SLC36A4: variants seen among roughly 807,000 people sequenced by gnomAD.
The protein encoded by SLC36A4 is solute carrier family 36 member 4.
Under a neutral mutation model 50.5 loss-of-function variants are expected in SLC36A4, and 49 were observed. That is an observed-to-expected ratio of 0.97 (90% CI 0.77 to 1.23). The LOEUF (loss-of-function observed/expected upper bound fraction) is 1.23. SLC36A4 is among the 50% of genes most tolerant of loss of function. The pLI is 0.00. For synonymous variants in SLC36A4, 207 were observed against 206.5 expected (o/e 1.00, Z -0.02); for missense variants, 611 against 608.4 (o/e 1.00, Z -0.05).
At chr11:93,194,865 C>T (rs1306375408) in intron 1 of SLC36A4, among the ~76,000 whole-genome samples, 3 of 152,180 alleles carry the variant, frequency 2.0e-5, no homozygotes, top group African/African-American at 2.4e-5. Context: ...TTGACATGTG[C>T]ACTTTGATAT....
At chr11:93,176,797 G>A (rs7120307) in intron 6 of SLC36A4, among the ~76,000 whole-genome samples, 96,431 of 152,016 alleles carry the variant, frequency 0.63, 31,234 homozygotes, top group East Asian at 0.81. Flanking sequence ...TCTGGCTTGT[G>A]GAGTTTCTGC....
chr11:93,144,433 C>A lies in SLC36A4; in HGVS notation c.*4104G>T, dbSNP rs1416786151. On this transcript the variant is annotated 3_prime_UTR_variant, in exon 11 of 11. Transcript: ENST00000326402. ...TTTAGTGTTCTTTTCAAAACAGCATCTTTCTGGACCCAATTTAAATAGTAA... is the reference window on the plus strand; with the variant it reads ...TTTAGTGTTCTTTTCAAAACAGCATATTTCTGGACCCAATTTAAATAGTAA... 6.6e-6 allele frequency: 1 copy of A among 151,992 alleles called. No homozygotes were observed. Among genetic ancestry groups the A allele is most frequent in the African/African-American group, 2.4e-5 (1 of 41,418 alleles). The allele number at this position is 151,992 out of a possible 1,614,324, so 9.4% of individuals were successfully genotyped here.
At chr11:93,150,271 T>G (rs1006595521) in intron 10 of SLC36A4, among the ~76,000 whole-genome samples, 2 of 152,074 alleles carry the variant, frequency 1.3e-5, no homozygotes, top group African/African-American at 4.8e-5. Flanking sequence ...GGACTCCAAT[T>G]ATGGCATGTG....
At chr11:93,169,662 C>T (rs1286608077) in intron 6 of SLC36A4, among the ~76,000 whole-genome samples, 2 of 152,100 alleles carry the variant, frequency 1.3e-5, no homozygotes, top group Non-Finnish European at 2.9e-5. Context: ...TCATACTGGA[C>T]TAACAGACTC....
At chr11:93,195,296 A>C (rs1239504449) in intron 1 of SLC36A4, among the ~76,000 whole-genome samples, 1 of 151,916 alleles carries the variant, frequency 6.6e-6, no homozygotes, top group Non-Finnish European at 1.5e-5. Flanking sequence ...AACCACCATA[A>C]TATCCCAGTT....
In SLC36A4 at chr11:93,154,157, C is replaced by A; in HGVS notation, c.1158G>T (p.Trp386Cys). 1 of 1,563,796 alleles carries A rather than the reference C, an allele frequency of 6.4e-7. No homozygotes were observed. The highest frequency in any genetic ancestry group is 8.6e-7 in the Non-Finnish European group (1 of 1,158,096). The change falls in exon 10 of 11, where the codon TGG becomes TGT. Residue 386 changes from tryptophan to cysteine, a missense_variant. Transcript: ENST00000326402. ...PGITSKFHTK[W>C]KQICEFGIRS... ...TTATCCCAAATTCACAGATTTGCTT[C>A]CATTTAGTATGAAATTTGGATGTGA... is the stretch of plus-strand genomic sequence containing the variant.
chr11:93,153,541 C>A (rs1860204159), intron 10 of SLC36A4, among the ~76,000 whole-genome samples: 1 of 152,032 alleles, frequency 6.6e-6, no homozygotes, highest in South Asian at 2.1e-4. Flanking sequence ...AAAACTTACA[C>A]TCTTTCCACT....
At chr11:93,194,121 G>A (rs1343824150) in intron 1 of SLC36A4, among the ~76,000 whole-genome samples, 2 of 151,938 alleles carry the variant, frequency 1.3e-5, no homozygotes, top group Non-Finnish European at 2.9e-5. Flanking sequence ...GTAGAAATAA[G>A]GGGAAGTAAA....
intron 1 of SLC36A4, among the ~76,000 whole-genome samples, chr11:93,194,847 T>C (rs1388423755): frequency 6.6e-6 from 1 of 152,200 alleles, no homozygotes; most frequent in African/African-American, 2.4e-5. Flanking sequence ...TAAAATCCAA[T>C]TGCCTACTTG....
At chr11:93,156,304 G>C (rs1024260225) in intron 9 of SLC36A4, among the ~76,000 whole-genome samples, 1 of 151,692 alleles carries the variant, frequency 6.6e-6, no homozygotes, top group Non-Finnish European at 1.5e-5. Flanking sequence ...TCACACTGTG[G>C]TTTTGATTTG....
intron 9 of SLC36A4, chr11:93,154,850 A>C (rs1565216151): frequency 6.6e-6 from 1 of 152,164 alleles, no homozygotes; most frequent in African/African-American, 2.4e-5. Flanking sequence ...ATTAAATAAG[A>C]GACATACAGT....
chr11:93,184,628 C>A, intron 2 of SLC36A4, 108 bp from the exon 3 acceptor site: 1 of 665,162 alleles, frequency 1.5e-6, no homozygotes, highest in South Asian at 1.9e-5. Context: ...AGGCAAGGAA[C>A]CAAATAACAT....
chr11:93,173,577 T>G (rs1423187033), intron 6 of SLC36A4, among the ~76,000 whole-genome samples: 1 of 119,170 alleles, frequency 8.4e-6, no homozygotes, highest in African/African-American at 3.1e-5. Flanking sequence ...TTTATGGTTT[T>G]AGGTCTAACG....
rs565041393 is a variant in SLC36A4 at position 93,183,866 on chromosome 11, T to A, written c.270+564A>T. Among the ~76,000 whole-genome samples, 10 of 152,046 alleles carry A rather than the reference T, an allele frequency of 6.6e-5. No individual in the cohort carries two copies. The South Asian group carries it at 2.1e-3, about 32-fold the overall frequency. The stretch of plus-strand genomic sequence containing the variant: ...GCATCCGCCACCACGCCCGGCTAAT[T>A]TTTTGCATTTTTTAGTAGAGACGGG... On this transcript the variant is annotated intron_variant, in intron 3 of 10. Transcript: ENST00000326402.
intron 1 of SLC36A4, among the ~76,000 whole-genome samples, chr11:93,189,283 C>T (rs921751228): frequency 2.0e-5 from 3 of 151,954 alleles, no homozygotes; most frequent in Non-Finnish European, 2.9e-5. Flanking sequence ...ATGCTGGTCT[C>T]GAACTCCTAA....
At chr11:93,193,543 A>G (rs1192324469) in intron 1 of SLC36A4, among the ~76,000 whole-genome samples, 13 of 152,172 alleles carry the variant, frequency 8.5e-5, no homozygotes, top group Non-Finnish European at 2.9e-5. Context: ...TATAAATAAG[A>G]AACACTAGCT....
chr11:93,171,382 A>C (rs1317412452), intron 6 of SLC36A4: 1 of 152,020 alleles, frequency 6.6e-6, no homozygotes, highest in Non-Finnish European at 1.5e-5. Context: ...CACAACTAAA[A>C]TCTGACAAGA....
At position 93,163,239 on chromosome 11, in the gene SLC36A4, G is replaced by A. The variant is rs189060190; in HGVS notation, c.868-364C>T. Among the ~76,000 whole-genome samples the A allele has an allele frequency of 8.2e-4, 125 of 152,042 alleles. 1 individual carries two copies. The South Asian group carries it at 0.011, about 13-fold the overall frequency. On this transcript the variant is annotated intron_variant, in intron 8 of 10. Transcript: ENST00000326402. ...TTTTATATTACGATAGTACATTTGCGACAACTAAAAACCAATATTGGTACA... is the reference window on the plus strand; with the variant it reads ...TTTTATATTACGATAGTACATTTGCAACAACTAAAAACCAATATTGGTACA...
Position 93,197,794 on chromosome 11 carries a change from C to A in SLC36A4, c.39G>T (p.Ala13=), listed in dbSNP as rs945304634. Reference sequence around the variant, plus strand: ...AACACCGACCTAGCTCCTCGCGCCTCGCCGCCCCGGCAGCCGCCGGCGTCG... The same window carrying A: ...AACACCGACCTAGCTCCTCGCGCCTAGCCGCCCCGGCAGCCGCCGGCGTCG... The part of the protein sequence containing the change: ...AAATPAAAGA[A]RREELDMDVM... Residue 13 remains alanine (A), a synonymous_variant, in exon 1 of 11, where the codon GCG becomes GCT. Transcript: ENST00000326402. The A allele has an allele frequency of 2.5e-6, 4 of 1,586,274 alleles. No homozygotes were observed. In the East Asian group the frequency reaches 7.0e-5, roughly 28 times the overall value.
Sources: gnomAD v4.1 joint callset for allele counts (sites outside exome capture counted in the v4.1 genomes callset) on GRCh38, gnomAD v4.1.1 for gene constraint, MANE v1.5 for transcripts, NCBI Gene and HGNC (gene_info 2026-07-23, HGNC 2026-07-21) for gene names.